The following MYO10 variants were observed in gnomAD, a reference collection of about 807,000 sequenced individuals.
MYO10 encodes unconventional myosin-X.
A neutral mutation model predicts 257.3 loss-of-function variants in MYO10; 133 were observed. The ratio of observed to expected loss-of-function variants is 0.52; its 90% CI spans 0.45 to 0.60. The LOEUF (loss-of-function observed/expected upper bound fraction) is 0.60. Among genes scored for constraint, MYO10 ranks in the 20% least tolerant of loss-of-function variants. The pLI, the probability that MYO10 is intolerant of heterozygous loss-of-function variation, is 0.00. For synonymous variants in MYO10, 1,104 were observed against 1,028.6 expected, an observed-to-expected ratio of 1.07 and a Z score of -1.40; for missense variants, 2,399 against 2,635.7, an observed-to-expected ratio of 0.91 and a Z score of 1.97.
intron 9 of MYO10, among the ~76,000 whole-genome samples, chr5:16,776,485 A>T (rs1215515863): frequency 5.3e-5 from 8 of 152,324 alleles, no homozygotes; most frequent in Middle Eastern, 3.4e-3. Context: ...ATATTTAAGG[A>T]TCTATAAATA....
chr5:16,764,521 C>T, intron 11 of MYO10, 125 bp from the exon 12 acceptor site: 1 of 931,386 alleles, frequency 1.1e-6, no homozygotes, highest in Non-Finnish European at 1.6e-6. Context: ...AGTGTGAAGT[C>T]AATCGATCTC....
chr5:16,892,328 C>T (rs761737275), intron 1 of MYO10, among the ~76,000 whole-genome samples: 11 of 152,154 alleles, frequency 7.2e-5, no homozygotes, highest in Non-Finnish European at 1.3e-4. Context: ...TCACATGAGA[C>T]GGCTAACCAA....
chr5:16,918,018 A>G (rs1745873462), intron 1 of MYO10, among the ~76,000 whole-genome samples: 1 of 152,256 alleles, frequency 6.6e-6, no homozygotes, highest in South Asian at 2.1e-4. Context: ...ATAGGAATAA[A>G]AAATATTAGC....
intron 4 of MYO10, among the ~76,000 whole-genome samples, chr5:16,785,043 C>T (rs1005286387): frequency 2.0e-5 from 3 of 152,134 alleles, no homozygotes; most frequent in Non-Finnish European, 4.4e-5. Flanking sequence ...GTCCCTTTTG[C>T]GGCAGACAAC....
At position 16,758,139 on chromosome 5, in the gene MYO10, A is replaced by G; in HGVS notation, c.1827T>C (p.Pro609=). ...TLKCGSKHRR[P]TVSSQFKDSL... is the part of the protein sequence containing the mutation. ...GAACCTTGAACTGTGAGCTGACTGT[A>G]GGCCGCCGATGTTTGCTTCCACATT... is the stretch of plus-strand genomic sequence containing the variant. The change falls in exon 18 of 41, where the codon CCT becomes CCC. Residue 609 remains proline, a synonymous_variant. Transcript: ENST00000513610. 5 of 1,612,182 alleles carry G rather than the reference A, an allele frequency of 3.1e-6. No homozygotes were observed. The highest frequency in any genetic ancestry group is 4.2e-6 in the Non-Finnish European group (5 of 1,178,244).
chr5:16,697,048 A>G (rs758962373), intron 26 of MYO10, among the ~76,000 whole-genome samples: 6 of 152,206 alleles, frequency 3.9e-5, no homozygotes, highest in Non-Finnish European at 8.8e-5. Flanking sequence ...CTGATTTGCA[A>G]TGACATTTTT....
intron 19 of MYO10, among the ~76,000 whole-genome samples, chr5:16,744,924 C>T (rs1391608335): frequency 6.6e-6 from 1 of 152,164 alleles, no homozygotes; most frequent in African/African-American, 2.4e-5. Flanking sequence ...TTATTAAGAG[C>T]TTAAAAATAT....
chr5:16,730,907 A>G (rs1295999417), intron 19 of MYO10, among the ~76,000 whole-genome samples: 1 of 152,140 alleles, frequency 6.6e-6, no homozygotes, highest in African/African-American at 2.4e-5. Flanking sequence ...GATGAATTAC[A>G]AGGTGAGGTC....
chr5:16,782,835 A>G (rs2126670623), intron 5 of MYO10, among the ~76,000 whole-genome samples: 1 of 152,174 alleles, frequency 6.6e-6, no homozygotes, highest in East Asian at 1.9e-4. Flanking sequence ...AGAATGCATC[A>G]CTCATCTTCC....
At chr5:16,857,582 A>G (rs1422970041) in intron 2 of MYO10, among the ~76,000 whole-genome samples, 1 of 152,232 alleles carries the variant, frequency 6.6e-6, no homozygotes, top group Non-Finnish European at 1.5e-5. Context: ...CTGAATCAGA[A>G]GCTCTGGATT....
chr5:16,792,132 C>CAGAGAGAG (rs1553996647), intron 4 of MYO10, among the ~76,000 whole-genome samples: 3 of 75,290 alleles, frequency 4.0e-5, no homozygotes, highest in African/African-American at 7.0e-5. Context: ...CACACACACA[C>CAGAGAGAG]AGAGAGAGAG....
intron 19 of MYO10, among the ~76,000 whole-genome samples, chr5:16,712,020 T>A (rs1483718115): frequency 2.6e-5 from 4 of 151,830 alleles, no homozygotes; most frequent in African/African-American, 9.7e-5. Flanking sequence ...TCACTTTATT[T>A]TACTTTTTAA....
In MYO10 at chr5:16,701,590, G is replaced by A. The variant is rs780627326; in HGVS notation, c.2805C>T (p.Cys935=). Residue 935 remains cysteine, a synonymous_variant, in exon 25 of 41, where the codon TGC becomes TGT. Coordinates refer to ENST00000513610, the MANE Select transcript of MYO10 (RefSeq NM_012334.3). This position sits in a 1 kb window ranked among gnomAD's most constrained non-coding sequence, Gnocchi z 8.1. ...ACTCGAGGAACTCCTGGGCCGCCCT[G>A]CACGCTTCCTCCTCCAGCCTGCGGA... The part of the protein sequence containing the change: ...QELRRLEEEA[C]RAAQEFLESL... 5.0e-6 allele frequency: 8 copies of A among 1,613,626 alleles called. No individual in the cohort carries two copies. Among genetic ancestry groups the A allele is most frequent in the South Asian group, 1.1e-5 (1 of 91,008 alleles).
chr5:16,690,013 G>C, intron 27 of MYO10, 94 bp from the exon 28 acceptor site: 2 of 921,094 alleles, frequency 2.2e-6, no homozygotes. Flanking sequence ...CTAGAGTTGG[G>C]AACTGTCTGT....
At chr5:16,740,113 G>C (rs1739963443) in intron 19 of MYO10, among the ~76,000 whole-genome samples, 1 of 152,110 alleles carries the variant, frequency 6.6e-6, no homozygotes, top group African/African-American at 2.4e-5. Context: ...TTCAGACCCT[G>C]ATCTTGAGAA....
At chr5:16,902,774 T>C in intron 1 of MYO10, 1 of 638,190 alleles carries the variant, frequency 1.6e-6, no homozygotes, top group East Asian at 2.7e-5. Context: ...AGTGCCGGGA[T>C]TACAGGCGTA....
chr5:16,822,171 T>C (rs13340389), intron 2 of MYO10, among the ~76,000 whole-genome samples: 18,935 of 151,974 alleles, frequency 0.12, 1,288 homozygotes, highest in South Asian at 0.27. Context: ...TAATGGATGC[T>C]GGGCTTAAGA....
chr5:16,770,958 A>G, intron 9 of MYO10, among the ~76,000 whole-genome samples: 1 of 152,120 alleles, frequency 6.6e-6, no homozygotes, highest in East Asian at 1.9e-4. Flanking sequence ...AGTAGATACG[A>G]GGTTTCTCCA....
intron 25 of MYO10, among the ~76,000 whole-genome samples, chr5:16,699,847 C>T (rs976891562): frequency 2.1e-5 from 3 of 146,194 alleles, no homozygotes; most frequent in East Asian, 4.0e-4. Context: ...ACAAGCAATA[C>T]GCCTGATTTA....
Sources: allele counts gnomAD v4.1 joint callset (sites outside exome capture counted in the v4.1 genomes callset), GRCh38; gene constraint gnomAD v4.1.1; non-coding constraint Gnocchi (gnomAD v3.1); transcripts MANE v1.5; gene names NCBI Gene and HGNC (gene_info 2026-07-23, HGNC 2026-07-21).